Variants in STXBP5L observed in about 807,000 individuals in gnomAD.
STXBP5L encodes the protein syntaxin binding protein 5L, also known as syntaxin-binding protein 5-like.
Under a neutral mutation model 144.5 loss-of-function variants are expected in STXBP5L, and 65 were observed. That is an observed-to-expected ratio of 0.45 (90% CI 0.37 to 0.55). STXBP5L has a LOEUF of 0.55. Among genes scored for constraint, STXBP5L ranks in the 20% least tolerant of loss-of-function variants. STXBP5L has a pLI of 0.00. For synonymous variants in STXBP5L, 505 were observed against 469.6 expected, an observed-to-expected ratio of 1.08 and a Z score of -0.97; for missense variants, 1,298 against 1,405.5, an observed-to-expected ratio of 0.92 and a Z score of 1.22.
intron 5 of STXBP5L, among the ~76,000 whole-genome samples, chr3:121,106,302 CAT>C (rs1249856243): frequency 6.6e-6 from 1 of 152,140 alleles, no homozygotes; most frequent in Non-Finnish European, 1.5e-5. Flanking sequence ...GGTTTGTTAA[CAT>C]ATGTAAACAT....
chr3:121,062,030 C>T (rs1392506811), intron 5 of STXBP5L, among the ~76,000 whole-genome samples: 2 of 152,034 alleles, frequency 1.3e-5, no homozygotes, highest in African/African-American at 4.8e-5. Context: ...GTTATTTTTC[C>T]TGTTAGTTGA....
chr3:120,980,081 A>G (rs1941588263), intron 3 of STXBP5L, among the ~76,000 whole-genome samples: 2 of 152,130 alleles, frequency 1.3e-5, no homozygotes, highest in African/African-American at 4.8e-5. Context: ...CTGTAGTCTG[A>G]AAAAAATACT....
At chr3:121,356,505 GGA>G (rs2045520376) in intron 20 of STXBP5L, among the ~76,000 whole-genome samples, 1 of 152,258 alleles carries the variant, frequency 6.6e-6, no homozygotes, top group Non-Finnish European at 1.5e-5. Flanking sequence ...ACCAGGCACA[GGA>G]GAGAGTCTCC....
intron 8 of STXBP5L, among the ~76,000 whole-genome samples, chr3:121,153,330 A>G (rs1202345611): frequency 6.6e-6 from 1 of 152,082 alleles, no homozygotes; most frequent in African/African-American, 2.4e-5. Context: ...TACCTTTTGT[A>G]CCTGTGGAAA....
intron 9 of STXBP5L, among the ~76,000 whole-genome samples, chr3:121,183,375 A>C (rs546779227): frequency 6.6e-6 from 1 of 152,306 alleles, no homozygotes; most frequent in South Asian, 2.1e-4. Context: ...CAATGATATG[A>C]TTGTATACCT....
At chr3:120,936,798 C>G (rs1333619581) in intron 2 of STXBP5L, among the ~76,000 whole-genome samples, 1 of 152,130 alleles carries the variant, frequency 6.6e-6, no homozygotes, top group African/African-American at 2.4e-5. Flanking sequence ...TTTTAGGCCT[C>G]CCAAAGTGCT....
Position 121,223,078 on chromosome 3 carries a change from T to C in STXBP5L, c.1032T>C (p.His344=), listed in dbSNP as rs1267661375. Residue 344 remains histidine (H), a synonymous_variant, in exon 11 of 27, where the codon CAT becomes CAC. Transcript: ENST00000471454. ...ACRRPSLTIM[H]GKAITVLEMD... is the part of the protein sequence containing the mutation. ...GAAGACCAAGTTTAACCATCATGCA[T>C]GGAAAAGCAATTACAGTACTTGAAA... 1 of 1,613,152 alleles carries C rather than the reference T, an allele frequency of 6.2e-7. No individual in the cohort carries two copies. Among genetic ancestry groups the C allele is most frequent in the Non-Finnish European group, 8.5e-7 (1 of 1,179,522 alleles).
intron 20 of STXBP5L, among the ~76,000 whole-genome samples, chr3:121,350,794 A>G (rs2045248001): frequency 6.6e-6 from 1 of 152,068 alleles, no homozygotes; most frequent in South Asian, 2.1e-4. Flanking sequence ...TTCTCATGCC[A>G]TGGTTTTCAG....
intron 5 of STXBP5L, among the ~76,000 whole-genome samples, chr3:121,084,759 C>T (rs1239964685): frequency 2.0e-5 from 3 of 151,918 alleles, no homozygotes; most frequent in Non-Finnish European, 2.9e-5. Context: ...TATTTCTGGT[C>T]CTAGATCTTT....
Position 121,419,995 on chromosome 3 carries a change from C to T in STXBP5L, c.*898C>T, listed in dbSNP as rs1419399067. On this transcript the variant is annotated 3_prime_UTR_variant, in exon 27 of 27. Transcript: ENST00000471454. ...TTCACAAAAAGGGAAATTTCACACA[C>T]CCCAATTTCAGCTTCTAAAGTGATA... 2 of 152,164 alleles carry T rather than the reference C, an allele frequency of 1.3e-5. No homozygotes were observed. Among genetic ancestry groups the T allele is most frequent in the African/African-American group, 4.8e-5 (2 of 41,430 alleles). 9.4% of individuals were successfully genotyped at this position (152,164 alleles called of 1,614,324 possible).
At chr3:121,014,601 A>G (rs1945011530) in intron 3 of STXBP5L, among the ~76,000 whole-genome samples, 1 of 148,690 alleles carries the variant, frequency 6.7e-6, no homozygotes, top group African/African-American at 2.5e-5. Context: ...TATTATGAAT[A>G]CCAAACATTA....
At chr3:121,328,779 C>T (rs187598014) in intron 20 of STXBP5L, among the ~76,000 whole-genome samples, 11 of 151,784 alleles carry the variant, frequency 7.2e-5, no homozygotes, top group Admixed American at 1.3e-4. Flanking sequence ...AACTAGGCTT[C>T]GCTTCATAAA....
intron 3 of STXBP5L, among the ~76,000 whole-genome samples, chr3:120,984,146 G>T (rs1942065605): frequency 6.6e-6 from 1 of 152,170 alleles, no homozygotes; most frequent in African/African-American, 2.4e-5. Flanking sequence ...TTAGACTCAT[G>T]AAGAGGTTAA....
intron 3 of STXBP5L, among the ~76,000 whole-genome samples, chr3:121,004,059 T>G (rs1399180704): frequency 6.6e-6 from 1 of 152,150 alleles, no homozygotes; most frequent in Non-Finnish European, 1.5e-5. Context: ...ATATGAACTT[T>G]AAAGTAGTTT....
At chr3:121,067,754 A>G (rs942897920) in intron 5 of STXBP5L, among the ~76,000 whole-genome samples, 1 of 152,160 alleles carries the variant, frequency 6.6e-6, no homozygotes, top group Non-Finnish European at 1.5e-5. Flanking sequence ...TCTTTTTAGT[A>G]GTGATGACTT....
intron 3 of STXBP5L, among the ~76,000 whole-genome samples, chr3:120,992,219 C>G (rs938264188): frequency 2.6e-5 from 4 of 152,088 alleles, no homozygotes; most frequent in Non-Finnish European, 5.9e-5. Flanking sequence ...TATTTCATTA[C>G]ATGAATACAA....
chr3:121,119,500 T>C (rs988242938), intron 6 of STXBP5L, among the ~76,000 whole-genome samples: 3 of 151,418 alleles, frequency 2.0e-5, no homozygotes, highest in Admixed American at 6.6e-5. Context: ...CTTTAGTGAA[T>C]GGGAGAAAGA....
intron 18 of STXBP5L, among the ~76,000 whole-genome samples, chr3:121,269,010 C>T (rs1157829230): frequency 6.6e-6 from 1 of 152,086 alleles, no homozygotes; most frequent in East Asian, 1.9e-4. Flanking sequence ...TTTGGTCAAA[C>T]TCAACCCCCA....
intron 10 of STXBP5L, among the ~76,000 whole-genome samples, chr3:121,220,235 T>C (rs984590834): frequency 1.3e-5 from 2 of 152,130 alleles, no homozygotes; most frequent in Admixed American, 1.3e-4. Context: ...TATGTAACCT[T>C]TTAAGCCTAG....
Sources: gnomAD v4.1 joint callset for allele counts (sites outside exome capture counted in the v4.1 genomes callset) on GRCh38, gnomAD v4.1.1 for gene constraint, MANE v1.5 for transcripts, NCBI Gene and HGNC (gene_info 2026-07-23, HGNC 2026-07-21) for gene names.